CDC14A: variants seen among roughly 807,000 people sequenced by gnomAD.
The protein encoded by CDC14A is dual specificity protein phosphatase CDC14A.
CDC14A carries 53 observed loss-of-function variants against 74.4 expected under a neutral mutation model. That is an observed-to-expected ratio of 0.71 (90% CI 0.57 to 0.89). The LOEUF (loss-of-function observed/expected upper bound fraction) is 0.89, where lower values mean the gene tolerates loss of function less well. CDC14A is among the 40% of genes least tolerant of loss of function. CDC14A has a pLI of 0.00. For synonymous variants in CDC14A, 247 were observed against 258.4 expected (o/e 0.96, Z 0.43); for missense variants, 646 against 713.7 (o/e 0.91, Z 1.08).
At chr1:100,451,846 C>G (rs1157787196) in intron 7 of CDC14A, among the ~76,000 whole-genome samples, 1 of 152,200 alleles carries the variant, frequency 6.6e-6, no homozygotes, top group Non-Finnish European at 1.5e-5. Context: ...TCAGTGGTAT[C>G]CACATATTTG....
At chr1:100,363,614 C>CT (rs35415515) in intron 2 of CDC14A, among the ~76,000 whole-genome samples, 13,320 of 141,542 alleles carry the variant, frequency 0.094, 1,885 homozygotes, top group African/African-American at 0.31. Flanking sequence ...TTAGACTTCT[C>CT]TTTTTTTTTT....
intron 10 of CDC14A, among the ~76,000 whole-genome samples, chr1:100,477,826 T>C (rs1477384614): frequency 3.3e-5 from 5 of 152,224 alleles, no homozygotes; most frequent in African/African-American, 1.2e-4. Flanking sequence ...CAATCAGTGC[T>C]TTTTAGAGAA....
At chr1:100,497,567 G>T (rs1303543946) in intron 13 of CDC14A, among the ~76,000 whole-genome samples, 1 of 152,224 alleles carries the variant, frequency 6.6e-6, no homozygotes, top group Non-Finnish European at 1.5e-5. Context: ...GATGCCACTT[G>T]TAGTCAAGGA....
intron 4 of CDC14A, among the ~76,000 whole-genome samples, chr1:100,404,832 A>C (rs1294145457): frequency 8.2e-6 from 1 of 121,566 alleles, no homozygotes; most frequent in Non-Finnish European, 2.0e-5. Flanking sequence ...TCCGTCTCAA[A>C]AAAACAAAAC....
At chr1:100,450,180 G>A (rs144962727) in intron 7 of CDC14A, among the ~76,000 whole-genome samples, 41 of 152,302 alleles carry the variant, frequency 2.7e-4, no homozygotes, top group African/African-American at 8.9e-4. Context: ...GATTGACCAG[G>A]TGGTGTAGAG....
chr1:100,504,991 T>C (rs1649106844), intron 15 of CDC14A: 1 of 1,395,308 alleles, frequency 7.2e-7, no homozygotes. Flanking sequence ...TATGCTATTA[T>C]ATACATGAAC....
intron 3 of CDC14A, among the ~76,000 whole-genome samples, chr1:100,382,854 A>G (rs1656332834): frequency 6.6e-6 from 1 of 152,248 alleles, no homozygotes; most frequent in Non-Finnish European, 1.5e-5. Context: ...AGTACCTGGC[A>G]GATGGTGGGG....
chr1:100,434,950 C>T (rs568756259), intron 5 of CDC14A, among the ~76,000 whole-genome samples: 2 of 152,282 alleles, frequency 1.3e-5, no homozygotes, highest in East Asian at 3.9e-4. Flanking sequence ...AAAATACATG[C>T]CTTTCTAGCG....
At chr1:100,434,308 T>G (rs1055559287) in intron 5 of CDC14A, among the ~76,000 whole-genome samples, 15 of 152,110 alleles carry the variant, frequency 9.9e-5, no homozygotes, top group Non-Finnish European at 1.6e-4. Flanking sequence ...GAAGAACATG[T>G]GACTTGCAGA....
chr1:100,512,441 A>G (rs1487097785), intron 15 of CDC14A, among the ~76,000 whole-genome samples: 1 of 152,184 alleles, frequency 6.6e-6, no homozygotes, highest in Non-Finnish European at 1.5e-5. Flanking sequence ...GCTTTAATAT[A>G]CGGTAATCTG....
At chr1:100,478,747 C>A (rs997000276) in intron 10 of CDC14A, among the ~76,000 whole-genome samples, 33 of 152,150 alleles carry the variant, frequency 2.2e-4, no homozygotes, top group Non-Finnish European at 4.0e-4. Flanking sequence ...ATCCATAAAC[C>A]AAAAATTCCC....
In CDC14A at chr1:100,519,871, T is replaced by C. The variant is rs373557418; in HGVS notation, c.*1591T>C. ...GGTTAATTGTATAGGAAGATGACAG[T>C]ATTTTTTTCAAGTTATCATAAAAAG... On this transcript the variant is annotated 3_prime_UTR_variant, in exon 16 of 16. Transcript: ENST00000336454. The C allele has an allele frequency of 6.6e-6, 1 of 152,430 alleles. No individual in the cohort carries two copies. The highest frequency in any genetic ancestry group is 2.1e-4 in the South Asian group (1 of 4,826). 9.4% of individuals were successfully genotyped at this position (152,430 alleles called of 1,614,324 possible).
chr1:100,378,674 A>G (rs1459826555), intron 3 of CDC14A, among the ~76,000 whole-genome samples: 1 of 152,218 alleles, frequency 6.6e-6, no homozygotes, highest in Non-Finnish European at 1.5e-5. Context: ...ATCAATAATC[A>G]TATAACATAT....
chr1:100,442,810 C>A, intron 6 of CDC14A, 124 bp from the exon 7 acceptor site: 1 of 683,214 alleles, frequency 1.5e-6, no homozygotes, highest in Non-Finnish European at 2.6e-6. Context: ...ATGCATTAAA[C>A]ATCAAAGGTT....
intron 13 of CDC14A, among the ~76,000 whole-genome samples, chr1:100,497,369 T>A (rs991659199): frequency 2.0e-5 from 3 of 152,158 alleles, no homozygotes; most frequent in African/African-American, 7.2e-5. Flanking sequence ...GTAGCTGGAA[T>A]AGAGATGTCC....
At chr1:100,407,869 A>T (rs1660155801) in intron 4 of CDC14A, among the ~76,000 whole-genome samples, 1 of 152,094 alleles carries the variant, frequency 6.6e-6, no homozygotes, top group African/African-American at 2.4e-5. Flanking sequence ...TATTCATGGG[A>T]TACATACTGA....
Position 100,377,617 on chromosome 1 carries a change from TA to T in CDC14A, c.216del (p.Lys72AsnfsTer10), listed in dbSNP as rs1248154472. 1 of 1,605,934 alleles carries T rather than the reference TA, an allele frequency of 6.2e-7. No individual in the cohort carries two copies. The highest frequency in any genetic ancestry group is 1.7e-5 in the Admixed American group (1 of 59,914). On this transcript the variant is annotated frameshift_variant, in exon 3 of 16. Coordinates refer to ENST00000336454, the MANE Select transcript of CDC14A (RefSeq NM_003672.4). LOFTEE classifies it high-confidence loss of function. ...YRYCCKLNKK[L>X]KSYSLSRKKI... ...TATTGCTGCAAACTAAACAAGAAAC[TA>T]AAAGTGAGTATTGTAGTGATATTTA... is the stretch of plus-strand genomic sequence containing the variant.
At chr1:100,372,187 G>A (rs1654573858) in intron 2 of CDC14A, among the ~76,000 whole-genome samples, 1 of 152,218 alleles carries the variant, frequency 6.6e-6, no homozygotes, top group Non-Finnish European at 1.5e-5. Flanking sequence ...TTAGCAAGTT[G>A]TAATCTTCTT....
chr1:100,415,068 G>A (rs956007820), intron 4 of CDC14A, among the ~76,000 whole-genome samples: 2 of 152,168 alleles, frequency 1.3e-5, no homozygotes, highest in African/African-American at 4.8e-5. Context: ...TGTGCTGGCT[G>A]TAGCTGTCAG....
Sources: gnomAD v4.1 joint callset for allele counts (sites outside exome capture counted in the v4.1 genomes callset) on GRCh38, gnomAD v4.1.1 for gene constraint, MANE v1.5 for transcripts, NCBI Gene and HGNC (gene_info 2026-07-23, HGNC 2026-07-21) for gene names.